Variants in TLK2 observed in about 807,000 individuals in gnomAD.
TLK2 encodes the protein tousled like kinase 2, also known as serine/threonine-protein kinase tousled-like 2.
A neutral mutation model predicts 117.3 loss-of-function variants in TLK2; 6 were observed. The ratio of observed to expected loss-of-function variants is 0.05; its 90% confidence interval spans 0.03 to 0.10. The LOEUF is 0.10. Among genes scored for constraint, TLK2 ranks in the 10% least tolerant of loss-of-function variants. The pLI, the probability that TLK2 is intolerant of heterozygous loss-of-function variation, is 1.00. For missense variants in TLK2, 299 were observed against 901.2 expected, an observed-to-expected ratio of 0.33 and a Z score of 8.56; for synonymous variants, 257 against 316.7, an observed-to-expected ratio of 0.81 and a Z score of 2.00.
chr17:62,524,166 C>G, intron 5 of TLK2, 70 bp from the exon 6 acceptor site: 1 of 1,471,494 alleles, frequency 6.8e-7, no homozygotes, highest in South Asian at 1.3e-5. Context: ...GTGTATTAAT[C>G]TTTTACTCTC....
At chr17:62,503,082 C>T (rs1042592579) in intron 2 of TLK2, among the ~76,000 whole-genome samples, 3 of 110,726 alleles carry the variant, frequency 2.7e-5, no homozygotes, top group African/African-American at 3.5e-5. Context: ...TTTTTTGAGA[C>T]GGAGTCTCGC....
intron 20 of TLK2, among the ~76,000 whole-genome samples, chr17:62,607,655 T>G (rs2083415989): frequency 1.3e-5 from 2 of 152,118 alleles, no homozygotes; most frequent in Non-Finnish European, 2.9e-5. Context: ...CTTTTTCTGT[T>G]TTTTGAGTTG....
chr17:62,511,289 C>G (rs576609179), intron 2 of TLK2, among the ~76,000 whole-genome samples: 31 of 152,352 alleles, frequency 2.0e-4, no homozygotes, highest in Admixed American at 3.9e-4. Flanking sequence ...CCCTTGAAAA[C>G]TTAATTCTTG....
intron 2 of TLK2, among the ~76,000 whole-genome samples, chr17:62,495,783 C>A (rs983743731): frequency 6.6e-6 from 1 of 151,336 alleles, no homozygotes; most frequent in African/African-American, 2.4e-5. Flanking sequence ...CTCAGCCTCC[C>A]GAGTAGCTCG....
chr17:62,565,255 T>C, intron 11 of TLK2, 118 bp downstream of exon 11: 1 of 1,314,096 alleles, frequency 7.6e-7, no homozygotes. Flanking sequence ...CAGTTAGTTT[T>C]TTAGTCACCA....
chr17:62,562,348 G>T (rs1021942200), intron 10 of TLK2, among the ~76,000 whole-genome samples: 1 of 152,172 alleles, frequency 6.6e-6, no homozygotes, highest in Admixed American at 6.6e-5. Flanking sequence ...GTAGTAGAAT[G>T]AGACTGTCTC....
chr17:62,576,966 C>CTTTT (rs59523807), intron 13 of TLK2, among the ~76,000 whole-genome samples, 191 bp downstream of exon 13: 1 of 115,950 alleles, frequency 8.6e-6, no homozygotes, highest in Non-Finnish European at 1.8e-5. Flanking sequence ...CTTTCTTCTT[C>CTTTT]TTTTTTTTTT....
At chr17:62,495,514 A>T (rs2073559261) in intron 2 of TLK2, among the ~76,000 whole-genome samples, 1 of 151,538 alleles carries the variant, frequency 6.6e-6, no homozygotes, top group Non-Finnish European at 1.5e-5. Context: ...TCCCAGCCTC[A>T]AGTGATCCTC....
chr17:62,585,797 A>T (rs2081569233), intron 15 of TLK2: 1 of 174,700 alleles, frequency 5.7e-6, no homozygotes. Flanking sequence ...CAACTGAAGG[A>T]TAAGAGACAA....
At chr17:62,533,994 T>C (rs2076942898) in intron 6 of TLK2, among the ~76,000 whole-genome samples, 2 of 152,180 alleles carry the variant, frequency 1.3e-5, no homozygotes, top group African/African-American at 4.8e-5. Flanking sequence ...TATATATCTA[T>C]ATTATATAGA....
chr17:62,536,897 A>G (rs1258890800), intron 7 of TLK2, among the ~76,000 whole-genome samples: 1 of 152,166 alleles, frequency 6.6e-6, no homozygotes, highest in South Asian at 2.1e-4. Context: ...TTCTTTCTCT[A>G]TCTTTGAAGA....
chr17:62,542,419 CT>C (rs1225850140), intron 7 of TLK2, among the ~76,000 whole-genome samples: 2 of 152,270 alleles, frequency 1.3e-5, no homozygotes, highest in East Asian at 3.9e-4. Flanking sequence ...ATTTAATCAA[CT>C]TTAAGTAAGA....
chr17:62,564,920 G>A, intron 10 of TLK2, 81 bp from the exon 11 acceptor site: 1 of 1,495,968 alleles, frequency 6.7e-7, no homozygotes. Context: ...TCCTGATAAT[G>A]TTAAATGTTT....
intron 16 of TLK2, among the ~76,000 whole-genome samples, chr17:62,587,257 T>G (rs534653163): frequency 6.6e-6 from 1 of 152,338 alleles, no homozygotes; most frequent in South Asian, 2.1e-4. Context: ...TATGCAGACT[T>G]AATTTGCTAT....
At chr17:62,524,215 C>T (rs775520568) in intron 5 of TLK2, 21 bp from the exon 6 acceptor site, 18 of 1,613,492 alleles carry the variant, frequency 1.1e-5, no homozygotes, top group African/African-American at 1.3e-5. Context: ...TTATTCATAT[C>T]GGTTTTTCCC....
intron 2 of TLK2, among the ~76,000 whole-genome samples, chr17:62,497,039 T>C (rs1471669432): frequency 6.6e-6 from 1 of 151,462 alleles, no homozygotes; most frequent in Admixed American, 6.6e-5. Context: ...AAGAGGACCA[T>C]TGAGCCTAGG....
At chr17:62,568,776 G>A (rs527953363) in intron 11 of TLK2, among the ~76,000 whole-genome samples, 1 of 151,850 alleles carries the variant, frequency 6.6e-6, no homozygotes, top group African/African-American at 2.4e-5. Context: ...GTAGAGACGG[G>A]GTTTTGCCAT....
chr17:62,495,389 T>C (rs1002104483), intron 2 of TLK2, among the ~76,000 whole-genome samples: 17 of 152,148 alleles, frequency 1.1e-4, no homozygotes, highest in African/African-American at 3.6e-4. Context: ...CAAAAGAGTT[T>C]AGAGTCCAGG....
chr17:62,584,803 G>T (rs1482931675), intron 15 of TLK2, among the ~76,000 whole-genome samples: 2 of 152,216 alleles, frequency 1.3e-5, no homozygotes, highest in Non-Finnish European at 2.9e-5. Context: ...TACATGCAGT[G>T]CTTATCCAGA....
Sources: gnomAD v4.1 joint callset for allele counts (sites outside exome capture counted in the v4.1 genomes callset) on GRCh38, gnomAD v4.1.1 for gene constraint, MANE v1.5 for transcripts, NCBI Gene and HGNC (gene_info 2026-07-23, HGNC 2026-07-21) for gene names.